TENM2: variants seen among roughly 807,000 people sequenced by gnomAD.
The protein encoded by TENM2 is teneurin-2.
A neutral mutation model predicts 245.2 loss-of-function variants in TENM2; 52 were observed. The observed-to-expected ratio is 0.21, with a 90% CI of 0.17 to 0.27. The LOEUF is 0.27. Ranked by LOEUF, TENM2 falls within the 10% of genes least tolerant of loss-of-function variation. TENM2 has a pLI of 1.00. For synonymous variants in TENM2, 1,363 were observed against 1,438.9 expected, an observed-to-expected ratio of 0.95 and a Z score of 1.19; for missense variants, 3,046 against 3,666.8, an observed-to-expected ratio of 0.83 and a Z score of 4.37.
chr5:168,212,645 A>G (rs1049655139), intron 20 of TENM2, among the ~76,000 whole-genome samples: 2 of 152,228 alleles, frequency 1.3e-5, no homozygotes, highest in Admixed American at 1.3e-4. Flanking sequence ...TGGAAAGGCC[A>G]TGCATTGACA....
chr5:167,697,207 C>G (rs1757823976), intron 2 of TENM2, among the ~76,000 whole-genome samples: 1 of 152,214 alleles, frequency 6.6e-6, no homozygotes, highest in African/African-American at 2.4e-5. Context: ...AAAGGCTGCT[C>G]CATCTGGAAC....
rs190684009 is a variant in TENM2 at position 168,200,428 on chromosome 5, C to T, written c.3430+297C>T. Among the ~76,000 whole-genome samples, 3 of 152,272 alleles carry T rather than the reference C, an allele frequency of 2.0e-5. No individual in the cohort carries two copies. The East Asian group carries it at 5.8e-4, about 29-fold the overall frequency. On this transcript the variant is annotated intron_variant, in intron 17 of 28. Coordinates refer to ENST00000518659, the Ensembl canonical transcript of TENM2. Reference sequence around the variant, plus strand: ...TGTGGTGAGCATTTAGGGAAGGCTCCTCTGCAGGGCAGCATTTAAGCAGAG... The same window carrying T: ...TGTGGTGAGCATTTAGGGAAGGCTCTTCTGCAGGGCAGCATTTAAGCAGAG...
chr5:167,582,855 T>C (rs2127686156), intron 2 of TENM2, among the ~76,000 whole-genome samples: 1 of 152,316 alleles, frequency 6.6e-6, no homozygotes, highest in African/African-American at 2.4e-5. Context: ...AGCTGCCAAT[T>C]CAGTCCCCTT....
chr5:167,944,079 G>A (rs1779400785), intron 3 of TENM2, among the ~76,000 whole-genome samples: 2 of 152,216 alleles, frequency 1.3e-5, no homozygotes, highest in South Asian at 4.1e-4. Context: ...GGCAAAGAAT[G>A]AGTATAGGGG....
intron 20 of TENM2, among the ~76,000 whole-genome samples, chr5:168,214,651 C>T (rs1005242680): frequency 1.4e-4 from 21 of 152,144 alleles, no homozygotes; most frequent in African/African-American, 5.1e-4. Context: ...GGAAGTGTTC[C>T]TCTATCCCAC....
chr5:167,371,951 A>G (rs936509788), intron 1 of TENM2, among the ~76,000 whole-genome samples: 1 of 152,174 alleles, frequency 6.6e-6, no homozygotes, highest in African/African-American at 2.4e-5. Context: ...AACCTGTTCC[A>G]GGTATTAATA....
At chr5:167,473,860 A>G (rs1451659506) in intron 2 of TENM2, among the ~76,000 whole-genome samples, 4 of 152,212 alleles carry the variant, frequency 2.6e-5, no homozygotes, top group African/African-American at 9.7e-5. Context: ...GGACTGGAGC[A>G]GTACCTGTAC....
At chr5:168,226,181 C>T (rs1199954013) in exon 24 of TENM2, 1 of 1,613,648 alleles carries the variant, frequency 6.2e-7, no homozygotes, top group Non-Finnish European at 8.5e-7. Context: ...TTACCATTGA[C>T]ATTGAGAACT....
chr5:168,096,018 G>T (rs1317577700), intron 8 of TENM2, among the ~76,000 whole-genome samples: 1 of 152,170 alleles, frequency 6.6e-6, no homozygotes, highest in Non-Finnish European at 1.5e-5. Flanking sequence ...TACTGAACCC[G>T]AGCCTCTTAG....
chr5:167,974,025 A>G (rs145247884), intron 4 of TENM2, among the ~76,000 whole-genome samples: 2,722 of 41,706 alleles, frequency 0.065, 419 homozygotes, highest in African/African-American at 0.26. Context: ...GGGAGGGAGG[A>G]AGGAAGGAAG....
intron 5 of TENM2, among the ~76,000 whole-genome samples, chr5:168,045,177 C>T (rs1225252114): frequency 2.0e-5 from 3 of 152,148 alleles, no homozygotes; most frequent in African/African-American, 7.2e-5. Context: ...TCTTCTCACT[C>T]CTGGGAGTTG....
rs1768345293 is a variant in TENM2 at position 168,262,948 on chromosome 5, T to C, written c.*138T>C. 3 of 767,520 alleles carry C rather than the reference T, an allele frequency of 3.9e-6. No homozygotes were observed. In the Admixed American group the frequency reaches 8.8e-5, roughly 23 times the overall value. The allele number at this position is 767,520 out of a possible 1,614,324, so 47.5% of individuals were successfully genotyped here. A position where few individuals can be genotyped will look rare whatever the true frequency, so the allele number is the denominator to read the frequency against. The stretch of plus-strand genomic sequence containing the variant: ...AGACCAAGTGGCAAGAAAGCTCACA[T>C]TTTTTGAGTTCAAATGCTACTGTCC... On this transcript the variant is annotated 3_prime_UTR_variant, in exon 29 of 29. Transcript: ENST00000518659.
chr5:167,621,178 C>T (rs894231359), intron 2 of TENM2, among the ~76,000 whole-genome samples: 2 of 152,120 alleles, frequency 1.3e-5, no homozygotes, highest in African/African-American at 4.8e-5. Flanking sequence ...ACAAGGTCTC[C>T]ATGCATTTTG....
chr5:167,839,168 G>C (rs1469306474), intron 2 of TENM2, among the ~76,000 whole-genome samples: 1 of 152,154 alleles, frequency 6.6e-6, no homozygotes, highest in East Asian at 1.9e-4. Flanking sequence ...TGGTTCCTCT[G>C]CTTCTCAATG....
At chr5:167,094,968 AATG>A in the TENM2 span, among the ~76,000 whole-genome samples, 1 of 152,176 alleles carries the variant, frequency 6.6e-6, no homozygotes, top group African/African-American at 2.4e-5. Flanking sequence ...GAGATACAGA[AATG>A]ATGAAGACAT....
intron 2 of TENM2, among the ~76,000 whole-genome samples, chr5:167,526,516 A>G (rs1771135221): frequency 6.6e-6 from 1 of 152,088 alleles, no homozygotes. Context: ...TCGGGAAACA[A>G]TAACAACTGT....
chr5:167,810,489 G>A (rs1040482201), intron 2 of TENM2, among the ~76,000 whole-genome samples: 2 of 151,980 alleles, frequency 1.3e-5, no homozygotes, highest in Admixed American at 1.3e-4. Context: ...TCTGGAAGCT[G>A]TAAGGCTGAA....
At chr5:167,880,733 T>C (rs1057129313) in intron 3 of TENM2, among the ~76,000 whole-genome samples, 1 of 152,196 alleles carries the variant, frequency 6.6e-6, no homozygotes, top group Non-Finnish European at 1.5e-5. Flanking sequence ...GCACTTTCCA[T>C]GTAAAAACAA....
intron 2 of TENM2, among the ~76,000 whole-genome samples, chr5:167,550,281 A>ACTAC (rs1178673572): frequency 1.3e-5 from 2 of 152,220 alleles, no homozygotes; most frequent in Non-Finnish European, 2.9e-5. Context: ...GGTTCGCTGT[A>ACTAC]CTACTGAAGC....
Sources: allele counts gnomAD v4.1 joint callset (sites outside exome capture counted in the v4.1 genomes callset), GRCh38; gene constraint gnomAD v4.1.1; transcripts MANE v1.5; gene names NCBI Gene and HGNC (gene_info 2026-07-23, HGNC 2026-07-21).